The following LINGO2 variants were observed in gnomAD, a reference collection of about 807,000 sequenced individuals.
LINGO2 encodes leucine-rich repeat and immunoglobulin-like domain-containing nogo receptor-interacting protein 2.
A neutral mutation model predicts 30.6 loss-of-function variants in LINGO2; 14 were observed. The ratio of observed to expected loss-of-function variants is 0.46; its 90% CI spans 0.30 to 0.72. LINGO2 has a LOEUF of 0.72. LINGO2 is among the 30% of genes least tolerant of loss of function. The pLI, the probability that LINGO2 is intolerant of heterozygous loss-of-function variation, is 0.07. For synonymous variants in LINGO2, 317 were observed against 288.5 expected (o/e 1.10, Z -1.00); for missense variants, 729 against 751.7 (o/e 0.97, Z 0.35).
At chr9:28,073,134 T>C (rs949031829) in intron 4 of LINGO2, among the ~76,000 whole-genome samples, 3 of 152,060 alleles carry the variant, frequency 2.0e-5, no homozygotes, top group Non-Finnish European at 4.4e-5. Context: ...CCATCTCCAA[T>C]ACTATTCCTG....
intron 4 of LINGO2, among the ~76,000 whole-genome samples, chr9:28,274,675 T>G (rs1823054369): frequency 6.6e-6 from 1 of 152,200 alleles, no homozygotes; most frequent in Admixed American, 6.5e-5. Flanking sequence ...TGTGGCTAAA[T>G]AAGTTCCACA....
At chr9:28,520,120 A>G (rs1028911032) in intron 1 of LINGO2, among the ~76,000 whole-genome samples, 1 of 152,204 alleles carries the variant, frequency 6.6e-6, no homozygotes, top group Non-Finnish European at 1.5e-5. Context: ...CATGATTGGT[A>G]TACAAAGATA....
intron 1 of LINGO2, among the ~76,000 whole-genome samples, chr9:28,614,081 A>T (rs916253948): frequency 2.0e-5 from 3 of 152,176 alleles, no homozygotes; most frequent in African/African-American, 7.2e-5. Context: ...CATTTATAAT[A>T]AATGAAAATG....
the LINGO2 span, among the ~76,000 whole-genome samples, chr9:29,098,470 C>A: frequency 6.8e-6 from 1 of 146,608 alleles, no homozygotes; most frequent in Non-Finnish European, 1.5e-5. Flanking sequence ...CACACATATG[C>A]GCACACACAC....
chr9:29,172,568 A>G, the LINGO2 span, among the ~76,000 whole-genome samples: 108 of 152,082 alleles, frequency 7.1e-4, 1 homozygote, highest in African/African-American at 2.5e-3. Flanking sequence ...ATAATCACTG[A>G]AATTAAATAT....
At chr9:28,739,890 A>G in the LINGO2 span, among the ~76,000 whole-genome samples, 2 of 150,814 alleles carry the variant, frequency 1.3e-5, no homozygotes, top group Non-Finnish European at 3.0e-5. Context: ...CACATACATC[A>G]TATTAGTACA....
At chr9:29,174,964 A>G in the LINGO2 span, among the ~76,000 whole-genome samples, 1 of 152,196 alleles carries the variant, frequency 6.6e-6, no homozygotes, top group South Asian at 2.1e-4. Context: ...TGAGCCTTTC[A>G]TTAAAATAAT....
At chr9:28,099,438 A>C (rs1826345588) in intron 4 of LINGO2, among the ~76,000 whole-genome samples, 1 of 152,162 alleles carries the variant, frequency 6.6e-6, no homozygotes, top group East Asian at 1.9e-4. Context: ...CACGTGGACA[A>C]GTGGAGAAGA....
intron 1 of LINGO2, among the ~76,000 whole-genome samples, chr9:28,634,485 CTTTT>C (rs755583837): frequency 8.0e-6 from 1 of 124,670 alleles, no homozygotes; most frequent in Non-Finnish European, 1.7e-5. Flanking sequence ...TTCTTTTTTT[CTTTT>C]TTTTTTTTTT....
At chr9:29,021,072 G>T in the LINGO2 span, among the ~76,000 whole-genome samples, 1 of 152,058 alleles carries the variant, frequency 6.6e-6, no homozygotes, top group African/African-American at 2.4e-5. Context: ...AATCAGAAAC[G>T]ATTACTGTAT....
At chr9:27,958,557 G>C (rs1472849397) in intron 5 of LINGO2, among the ~76,000 whole-genome samples, 2 of 152,118 alleles carry the variant, frequency 1.3e-5, no homozygotes, top group Non-Finnish European at 2.9e-5. Flanking sequence ...GTGAGAGAGA[G>C]AGACTACATT....
chr9:28,408,017 AAGAC>A (rs1243253117), intron 2 of LINGO2, among the ~76,000 whole-genome samples: 1 of 152,060 alleles, frequency 6.6e-6, no homozygotes, highest in Non-Finnish European at 1.5e-5. Flanking sequence ...GAGGGAGAGA[AAGAC>A]AGAAAAGAGA....
the LINGO2 span, among the ~76,000 whole-genome samples, chr9:29,191,619 A>G: frequency 7.9e-5 from 12 of 152,124 alleles, no homozygotes; most frequent in African/African-American, 2.9e-4. Flanking sequence ...TAAGCTTATG[A>G]AAACACGAAA....
chr9:28,618,788 T>C (rs1207189477), intron 1 of LINGO2, among the ~76,000 whole-genome samples: 3 of 152,218 alleles, frequency 2.0e-5, no homozygotes, highest in Admixed American at 6.5e-5. Context: ...ACTTGTATTA[T>C]TGCTTTTTGT....
chr9:28,083,223 G>A (rs1825821551), intron 4 of LINGO2, among the ~76,000 whole-genome samples: 1 of 152,186 alleles, frequency 6.6e-6, no homozygotes, highest in Non-Finnish European at 1.5e-5. Context: ...GGAAGCCTGA[G>A]TGTTTGCTCT....
intron 5 of LINGO2, among the ~76,000 whole-genome samples, chr9:27,958,216 T>C (rs1819672909): frequency 6.6e-6 from 1 of 152,236 alleles, no homozygotes; most frequent in Admixed American, 6.5e-5. Flanking sequence ...TTATTGTTTT[T>C]CTCCATTATT....
the LINGO2 span, among the ~76,000 whole-genome samples, chr9:29,096,786 A>C: frequency 7.1e-6 from 1 of 140,238 alleles, no homozygotes; most frequent in Non-Finnish European, 1.6e-5. Context: ...CGGTGAGTAC[A>C]TGTAGGAAAT....
intron 4 of LINGO2, among the ~76,000 whole-genome samples, chr9:28,224,376 T>C (rs987687684): frequency 2.9e-4 from 44 of 152,354 alleles, no homozygotes; most frequent in Admixed American, 2.1e-3. Context: ...GAATTTTTTA[T>C]TGTTACATAA....
intron 1 of LINGO2, among the ~76,000 whole-genome samples, chr9:28,522,503 A>G (rs1338771271): frequency 1.3e-5 from 2 of 152,236 alleles, no homozygotes; most frequent in South Asian, 2.1e-4. Context: ...ACACTCCATC[A>G]GAGTAGCACC....
Sources: allele counts gnomAD v4.1 joint callset (sites outside exome capture counted in the v4.1 genomes callset), GRCh38; gene constraint gnomAD v4.1.1; transcripts MANE v1.5; gene names NCBI Gene and HGNC (gene_info 2026-07-23, HGNC 2026-07-21).